The following MED13L variants were observed in gnomAD, a reference collection of about 807,000 sequenced individuals.
MED13L encodes mediator of RNA polymerase II transcription subunit 13-like.
In MED13L, 7 loss-of-function variants were observed where a neutral mutation model predicts 220.9. The observed-to-expected ratio is 0.03, with a 90% confidence interval of 0.02 to 0.06. The LOEUF is 0.06. Ranked by LOEUF, MED13L falls within the 10% of genes least tolerant of loss-of-function variation. MED13L has a pLI of 1.00. For missense variants in MED13L, 1,965 were observed against 2,760.5 expected, an observed-to-expected ratio of 0.71 and a Z score of 6.46; for synonymous variants, 1,011 against 1,015.2, an observed-to-expected ratio of 1.00 and a Z score of 0.08.
chr12:116,276,348 GTGTGC>G, intron 1 of MED13L: 1 of 661,134 alleles, frequency 1.5e-6, no homozygotes, highest in African/African-American at 1.9e-5. Flanking sequence ...GTGTGTGTGT[GTGTGC>G]GGATTCGTTG....
chr12:116,007,417 C>A lies in MED13L; in HGVS notation c.2232G>T (p.Lys744Asn). ...KQGTEKDSLKKNKSEDGFGTK... is the reference protein window; with the variant it reads ...KQGTEKDSLKNNKSEDGFGTK... ...TCTCTCTGTTAAATGGTACCTTATT[C>A]TTTTTCAGGGAATCTTTCTCCGTCC... The change falls in exon 11 of 31, where the codon AAG becomes AAT. Residue 744 changes from lysine to asparagine, a missense_variant. Physicochemically the swap from Lys to Asn is moderately conservative, Grantham distance 94. Transcript: ENST00000281928. 6.2e-7 allele frequency: 1 copy of A among 1,611,628 alleles called. No homozygotes were observed. Among genetic ancestry groups the A allele is most frequent in the Non-Finnish European group, 8.5e-7 (1 of 1,177,824 alleles).
intron 2 of MED13L, among the ~76,000 whole-genome samples, chr12:116,199,497 G>A (rs1881860671): frequency 6.6e-6 from 1 of 152,144 alleles, no homozygotes; most frequent in Admixed American, 6.5e-5. Context: ...TGAGGCTTAT[G>A]CAAGCTTATC....
At chr12:116,028,416 G>A (rs1166007123) in intron 4 of MED13L, among the ~76,000 whole-genome samples, 1 of 152,182 alleles carries the variant, frequency 6.6e-6, no homozygotes, top group East Asian at 1.9e-4. Flanking sequence ...AGACTTTGGA[G>A]ATTATTAAGG....
intron 7 of MED13L, among the ~76,000 whole-genome samples, chr12:116,017,982 AACAT>A (rs1879830112): frequency 6.6e-6 from 1 of 151,880 alleles, no homozygotes; most frequent in African/African-American, 2.4e-5. Flanking sequence ...GGTTCTTAAA[AACAT>A]ACATGTCCAT....
At chr12:116,273,097 G>C (rs1481895735) in intron 1 of MED13L, among the ~76,000 whole-genome samples, 1 of 152,146 alleles carries the variant, frequency 6.6e-6, no homozygotes, top group African/African-American at 2.4e-5. Flanking sequence ...CTGAGGTCGG[G>C]AGTTTGAGAC....
intron 2 of MED13L, among the ~76,000 whole-genome samples, chr12:116,144,840 A>C (rs1229207083): frequency 6.6e-6 from 1 of 152,226 alleles, no homozygotes; most frequent in African/African-American, 2.4e-5. Flanking sequence ...TAAGGAATTT[A>C]ACTTATCTGC....
rs1876385873 is a variant in MED13L, at chr12:115,968,942, G to T, written c.6223C>A (p.Arg2075=). Residue 2075 remains arginine, a splice_region_variant and synonymous_variant, in exon 28 of 31, where the codon CGG becomes AGG. Coordinates refer to ENST00000281928, the MANE Select transcript of MED13L (RefSeq NM_015335.5). ...AACGTACTCCAAATCATCCTTACCCGACTATGCTGGAAGTGAGAGCCCACA... is the reference window on the plus strand; with the variant it reads ...AACGTACTCCAAATCATCCTTACCCTACTATGCTGGAAGTGAGAGCCCACA... The part of the protein sequence containing the change: ...IGVGSHFQHS[R]SQGERLLSRE... 1 of 1,613,818 alleles carries T rather than the reference G, an allele frequency of 6.2e-7. No individual in the cohort carries two copies. Among genetic ancestry groups the T allele is most frequent in the South Asian group, 1.1e-5 (1 of 91,070 alleles).
chr12:116,274,354 TTCAA>T (rs2138604961), intron 1 of MED13L, among the ~76,000 whole-genome samples: 1 of 151,470 alleles, frequency 6.6e-6, no homozygotes, highest in East Asian at 1.9e-4. Context: ...AATCTCTTAT[TTCAA>T]TCTAACTAAT....
At chr12:116,178,031 C>CTTGT (rs367971646) in intron 2 of MED13L, among the ~76,000 whole-genome samples, 345 of 151,856 alleles carry the variant, frequency 2.3e-3, no homozygotes, top group South Asian at 0.014. Flanking sequence ...TTTTTGTTTG[C>CTTGT]TTGTTTGTTT....
chr12:116,050,803 G>C (rs1003044392), intron 4 of MED13L, among the ~76,000 whole-genome samples: 2 of 152,146 alleles, frequency 1.3e-5, no homozygotes, highest in Non-Finnish European at 2.9e-5. Context: ...GCCAGGCGTG[G>C]TGGCACATGC....
intron 2 of MED13L, among the ~76,000 whole-genome samples, chr12:116,230,834 A>G (rs2138430971): frequency 6.6e-6 from 1 of 152,358 alleles, no homozygotes; most frequent in Middle Eastern, 3.4e-3. Context: ...TTAGTTAAGG[A>G]TAACCAGAAA....
chr12:116,055,644 C>T (rs1005778989), intron 4 of MED13L, among the ~76,000 whole-genome samples: 4 of 152,154 alleles, frequency 2.6e-5, no homozygotes, highest in African/African-American at 9.7e-5. Flanking sequence ...CCTGTAATCC[C>T]AGCACTTTGG....
In MED13L at chr12:115,979,995, C is replaced by T. The variant is rs538476268; in HGVS notation, c.5364+755G>A. On this transcript the variant is annotated intron_variant, in intron 23 of 30. Transcript: ENST00000281928. ...TCATTTATATACGGAAGCACTGAGGCAAGGAAAGGAGAAATCAACTTCCTC... is the reference window on the plus strand; with the variant it reads ...TCATTTATATACGGAAGCACTGAGGTAAGGAAAGGAGAAATCAACTTCCTC... 3.9e-5 allele frequency among the ~76,000 whole-genome samples: 6 copies of T among 152,110 alleles called. No individual in the cohort carries two copies. In the East Asian group the frequency reaches 9.7e-4, roughly 25 times the overall value.
chr12:116,183,869 GTATA>G (rs374163791), intron 2 of MED13L, among the ~76,000 whole-genome samples: 14 of 151,100 alleles, frequency 9.3e-5, no homozygotes, highest in African/African-American at 3.2e-4. Flanking sequence ...AAAAATGTGT[GTATA>G]TATAGATAGT....
intron 1 of MED13L, among the ~76,000 whole-genome samples, chr12:116,268,282 T>A (rs749522739): frequency 6.6e-5 from 10 of 152,222 alleles, no homozygotes; most frequent in Non-Finnish European, 1.3e-4. Context: ...GCACAAATAC[T>A]AGGAGCTAGT....
At chr12:116,002,345 G>A (rs2137355895) in intron 14 of MED13L, among the ~76,000 whole-genome samples, 1 of 152,208 alleles carries the variant, frequency 6.6e-6, no homozygotes, top group African/African-American at 2.4e-5. Context: ...CCCTCAATTT[G>A]TTCTCATTAC....
intron 2 of MED13L, among the ~76,000 whole-genome samples, chr12:116,234,168 A>C: frequency 6.6e-6 from 1 of 152,110 alleles, no homozygotes; most frequent in Non-Finnish European, 1.5e-5. Context: ...AAAAATGTTA[A>C]ATAATGGTAA....
At chr12:116,065,920 C>G (rs1222108769) in intron 4 of MED13L, among the ~76,000 whole-genome samples, 5 of 152,186 alleles carry the variant, frequency 3.3e-5, no homozygotes, top group African/African-American at 1.2e-4. Context: ...GTAAAGAAAA[C>G]AGTACATCAG....
intron 1 of MED13L, among the ~76,000 whole-genome samples, chr12:116,273,808 G>A (rs999734497): frequency 6.6e-6 from 1 of 152,044 alleles, no homozygotes; most frequent in African/African-American, 2.4e-5. Flanking sequence ...CTAGTTAAAG[G>A]GCACAAAATC....
Sources: allele counts gnomAD v4.1 joint callset (sites outside exome capture counted in the v4.1 genomes callset), GRCh38; gene constraint gnomAD v4.1.1; transcripts MANE v1.5; gene names NCBI Gene and HGNC (gene_info 2026-07-23, HGNC 2026-07-21).